Variants in FANCI observed in about 807,000 individuals in gnomAD.
The protein encoded by FANCI is Fanconi anemia group I protein.
In FANCI, 156 loss-of-function variants were observed where a neutral mutation model predicts 176.1. The observed-to-expected ratio is 0.89, with a 90% CI of 0.78 to 1.01. FANCI has a LOEUF of 1.01. FANCI is among the 50% of genes least tolerant of loss of function. The probability of loss-of-function intolerance (pLI) is 0.00; values close to 1 mark genes in which losing one functional copy is unlikely to be tolerated. For synonymous variants in FANCI, 613 were observed against 541.7 expected (o/e 1.13, Z -1.83); for missense variants, 1,678 against 1,534.1 (o/e 1.09, Z -1.57).
intron 24 of FANCI, among the ~76,000 whole-genome samples, chr15:89,297,509 G>A (rs1005471424): frequency 1.3e-5 from 2 of 152,146 alleles, no homozygotes; most frequent in Non-Finnish European, 2.9e-5. Flanking sequence ...CTGCAATCCC[G>A]GCACCTCGGG....
intron 11 of FANCI, 84 bp downstream of exon 11, chr15:89,273,553 T>C: frequency 1.1e-6 from 1 of 876,354 alleles, no homozygotes. Flanking sequence ...AATCTGTTTT[T>C]GTTGTATCCG....
intron 2 of FANCI, among the ~76,000 whole-genome samples, chr15:89,256,523 C>G (rs994246883): frequency 6.6e-6 from 1 of 152,200 alleles, no homozygotes; most frequent in African/African-American, 2.4e-5. Context: ...ACCTCTCTCT[C>G]GAGATTATCC....
chr15:89,316,874 A>ACTGAGAG lies in FANCI; in HGVS notation c.*418_*424dup, dbSNP rs765220982. 3 of 1,367,612 alleles carry ACTGAGAG rather than the reference A, an allele frequency of 2.2e-6. No homozygotes were observed. The highest frequency in any genetic ancestry group is 3.1e-6 in the Non-Finnish European group (3 of 954,874). The allele number at this position is 1,367,612 out of a possible 1,614,324, so 84.7% of individuals were successfully genotyped here. A position where few individuals can be genotyped will look rare whatever the true frequency, so the allele number is the denominator to read the frequency against. On this transcript the variant is annotated 3_prime_UTR_variant, in exon 38 of 38. Coordinates refer to ENST00000310775, the MANE Select transcript of FANCI (RefSeq NM_001113378.2). Reference sequence around the variant, plus strand: ...TTAGGATGCCACCTCAAGAACTGTAACTGAGAGCTCAGAAGTGAGCAAAGG... The same window carrying ACTGAGAG: ...TTAGGATGCCACCTCAAGAACTGTAACTGAGAGCTGAGAGCTCAGAAGTGAGCAAAGG...
At position 89,278,717 on chromosome 15, in the gene FANCI, G is replaced by A. The variant is rs1308752389; in HGVS notation, c.1324G>A (p.Glu442Lys). The A allele has an allele frequency of 2.5e-6, 4 of 1,613,898 alleles. No homozygotes were observed. The East Asian group carries it at 6.7e-5, about 27-fold the overall frequency. The change falls in exon 14 of 38, where the codon GAG (glutamate) becomes AAG (lysine). Residue 442 changes from glutamate (E) to lysine (K), a missense_variant. Glu to Lys is a moderately conservative substitution (Grantham distance 56). Around this residue, in one of 3 missense-constraint regions of FANCI, gnomAD observed 1,204 missense variants for 1,077.4 expected, o/e 1.12. Coordinates refer to ENST00000310775, the MANE Select transcript of FANCI (RefSeq NM_001113378.2). ...IHEMIRQEILEQVLNRVVTRA... is the reference protein window; with the variant it reads ...IHEMIRQEILKQVLNRVVTRA... ...TGAGATGATCAGACAAGAAATTTTG[G>A]AGCAGGTCCTCAACAGGGTTGTTAC...
At chr15:89,303,791 A>G in intron 27 of FANCI, 73 bp from the exon 28 acceptor site, 1 of 1,340,052 alleles carries the variant, frequency 7.5e-7, no homozygotes, top group South Asian at 1.2e-5. Context: ...AAGGTCTAGA[A>G]CTCTTCTGTT....
chr15:89,308,815 G>A (rs571719285), intron 34 of FANCI, among the ~76,000 whole-genome samples: 76 of 152,088 alleles, frequency 5.0e-4, no homozygotes, highest in Middle Eastern at 3.4e-3. Context: ...GCATGCTGGC[G>A]GGCACCTGTA....
intron 26 of FANCI, among the ~76,000 whole-genome samples, 188 bp downstream of exon 26, chr15:89,300,573 A>G (rs963954041): frequency 1.3e-5 from 2 of 152,222 alleles, no homozygotes; most frequent in Non-Finnish European, 2.9e-5. Context: ...TAGTGAGGAT[A>G]GGTATTTAGC....
Position 89,247,652 on chromosome 15 carries a change from A to T in FANCI, c.5A>T (p.Asp2Val), listed in dbSNP as rs2151054413. Reference sequence around the variant, plus strand: ...AGTTCTGTGATATGAGCAACAATGGACCAGAAGATTTTATCTCTAGCAGCA... The same window carrying T: ...AGTTCTGTGATATGAGCAACAATGGTCCAGAAGATTTTATCTCTAGCAGCA... M[D>V]QKILSLAAEK... Residue 2 changes from aspartate to valine, a missense_variant, in exon 2 of 38, where the codon GAC (aspartate) becomes GTC (valine). By Grantham distance (152) the Asp-to-Val change is radical. Coordinates refer to ENST00000310775, the MANE Select transcript of FANCI (RefSeq NM_001113378.2). The T allele has an allele frequency of 6.2e-7, 1 of 1,613,916 alleles. No individual in the cohort carries two copies. Among genetic ancestry groups the T allele is most frequent in the Non-Finnish European group, 8.5e-7 (1 of 1,179,856 alleles).
intron 2 of FANCI, among the ~76,000 whole-genome samples, chr15:89,252,119 G>C (rs1006904203): frequency 2.0e-5 from 3 of 152,030 alleles, no homozygotes; most frequent in African/African-American, 7.3e-5. Flanking sequence ...GGCCAACATG[G>C]TGAAACCCCT....
intron 22 of FANCI, 133 bp from the exon 23 acceptor site, chr15:89,293,696 TAATG>T: frequency 1.1e-6 from 1 of 929,706 alleles, no homozygotes; most frequent in Middle Eastern, 3.3e-4. Context: ...AGTATTATAT[TAATG>T]AAGTTCTATT....
chr15:89,264,167 C>A, intron 8 of FANCI, 141 bp downstream of exon 8: 1 of 956,820 alleles, frequency 1.0e-6, no homozygotes, highest in Non-Finnish European at 1.7e-6. Flanking sequence ...CAAACATAGC[C>A]GAACATAGAT....
At chr15:89,261,526 A>C in intron 4 of FANCI, 59 bp from the exon 5 acceptor site, 1 of 1,602,634 alleles carries the variant, frequency 6.2e-7, no homozygotes. Flanking sequence ...TATTTCTTAG[A>C]AAGATTTATC....
At chr15:89,278,998 A>G (rs1385284790) in intron 14 of FANCI, among the ~76,000 whole-genome samples, 1 of 152,148 alleles carries the variant, frequency 6.6e-6, no homozygotes, top group African/African-American at 2.4e-5. Context: ...TAAAACTTCC[A>G]TTTTGCTCAA....
chr15:89,291,584 A>G, intron 19 of FANCI, 29 bp from the exon 20 acceptor site: 1 of 1,570,304 alleles, frequency 6.4e-7, no homozygotes, highest in Non-Finnish European at 8.8e-7. Context: ...TTATGAGCCA[A>G]GATGTCTTTT....
rs113510755 is a variant in FANCI at position 89,293,852 on chromosome 15, A to G, written c.2311A>G (p.Ile771Val). Residue 771 changes from isoleucine (I) to valine (V), a missense_variant, in exon 23 of 38, where the codon ATT (isoleucine) becomes GTT (valine). By Grantham distance (29) the Ile-to-Val change is conservative. Around this residue, in one of 3 missense-constraint regions of FANCI, gnomAD observed 1,204 missense variants for 1,077.4 expected, o/e 1.12. Transcript: ENST00000310775. ...SSFSKNRFED[I>V]LSLFMCYKKL... is the part of the protein sequence containing the mutation. ...TTACAGTAAGAATAGGTTTGAGGAC[A>G]TTCTGAGCTTATTTATGTGTTACAA... 1 of 1,614,134 alleles carries G rather than the reference A, an allele frequency of 6.2e-7. No homozygotes were observed. Among genetic ancestry groups the G allele is most frequent in the Non-Finnish European group, 8.5e-7 (1 of 1,180,012 alleles).
chr15:89,304,993 C>T (rs1378323435), intron 28 of FANCI, 122 bp from the exon 29 acceptor site: 1 of 1,089,778 alleles, frequency 9.2e-7, no homozygotes, highest in East Asian at 2.5e-5. Context: ...TGAGGCTGGT[C>T]TTGAATTCCT....
At chr15:89,285,633 G>C (rs1463868173) in intron 18 of FANCI, among the ~76,000 whole-genome samples, 1 of 151,996 alleles carries the variant, frequency 6.6e-6, no homozygotes, top group African/African-American at 2.4e-5. Flanking sequence ...ATTTTTTTAA[G>C]GTGAGAAATC....
chr15:89,287,062 C>T (rs1451432706), intron 18 of FANCI, among the ~76,000 whole-genome samples: 2 of 148,578 alleles, frequency 1.3e-5, no homozygotes, highest in Non-Finnish European at 3.0e-5. Context: ...CAACCTCCGC[C>T]ACCCAGGTTC....
At chr15:89,316,128 A>T (rs181961676) in intron 37 of FANCI, among the ~76,000 whole-genome samples, 3 of 152,200 alleles carry the variant, frequency 2.0e-5, no homozygotes, top group Admixed American at 6.5e-5. Flanking sequence ...TTTGATGTCA[A>T]TGGCTTCTTC....
Sources: gnomAD v4.1 joint callset for allele counts (sites outside exome capture counted in the v4.1 genomes callset) on GRCh38, gnomAD v4.1.1 for gene constraint, gnomAD v4.1.1 regional missense constraint, MANE v1.5 for transcripts, NCBI Gene and HGNC (gene_info 2026-07-23, HGNC 2026-07-21) for gene names.